Variants in CNTNAP2 observed in about 807,000 individuals in gnomAD.
The protein encoded by CNTNAP2 is contactin associated protein 2, also known as contactin-associated protein-like 2.
Under a neutral mutation model 155.2 loss-of-function variants are expected in CNTNAP2, and 98 were observed. The ratio of observed to expected loss-of-function variants is 0.63; its 90% CI spans 0.54 to 0.75. The LOEUF (loss-of-function observed/expected upper bound fraction) is 0.75, where lower values mean the gene tolerates loss of function less well. Ranked by LOEUF, CNTNAP2 falls within the 30% of genes least tolerant of loss-of-function variation. The probability of loss-of-function intolerance (pLI) is 0.00; values close to 1 mark genes in which losing one functional copy is unlikely to be tolerated. For missense variants in CNTNAP2, 1,727 were observed against 1,688.1 expected (o/e 1.02, Z -0.40); for synonymous variants, 651 against 631.2 (o/e 1.03, Z -0.47).
intron 3 of CNTNAP2, among the ~76,000 whole-genome samples, chr7:146,959,016 AT>A (rs1475355599): frequency 6.6e-6 from 1 of 150,896 alleles, no homozygotes; most frequent in Non-Finnish European, 1.5e-5. Flanking sequence ...ATTTTATTTT[AT>A]TTTATTTATT....
chr7:146,983,034 TTAACA>T (rs1467168407), intron 3 of CNTNAP2, among the ~76,000 whole-genome samples: 1 of 152,196 alleles, frequency 6.6e-6, no homozygotes, highest in Non-Finnish European at 1.5e-5. Flanking sequence ...AAGTACACTG[TTAACA>T]TAATGTACAC....
At chr7:146,512,983 A>G (rs1432929660) in intron 1 of CNTNAP2, among the ~76,000 whole-genome samples, 1 of 151,880 alleles carries the variant, frequency 6.6e-6, no homozygotes, top group Non-Finnish European at 1.5e-5. Flanking sequence ...TTGATTACCT[A>G]TATATTTACA....
chr7:147,659,811 G>C (rs776213822), intron 13 of CNTNAP2, among the ~76,000 whole-genome samples: 1 of 152,140 alleles, frequency 6.6e-6, no homozygotes, highest in Non-Finnish European at 1.5e-5. Flanking sequence ...AACATCACTC[G>C]ATGCTGTATT....
At chr7:146,415,586 T>C (rs2129112156) in intron 1 of CNTNAP2, among the ~76,000 whole-genome samples, 1 of 152,160 alleles carries the variant, frequency 6.6e-6, no homozygotes. Context: ...TGATTTCCAT[T>C]AGATGTATCT....
At chr7:147,028,698 T>C (rs1385582790) in intron 3 of CNTNAP2, among the ~76,000 whole-genome samples, 2 of 152,154 alleles carry the variant, frequency 1.3e-5, no homozygotes, top group Non-Finnish European at 2.9e-5. Flanking sequence ...AGACTGATTA[T>C]GCATAAAGCT....
Position 147,215,702 on chromosome 7 carries a change from T to C in CNTNAP2, c.1348+83193T>C, listed in dbSNP as rs181154439. ...TATGTTTTCAACTCTTTTGGGTAAA[T>C]ACCAAGAAGTGAGATTGCTGGATCA... On this transcript the variant is annotated intron_variant, in intron 8 of 23. Transcript: ENST00000361727. Among the ~76,000 whole-genome samples the C allele has an allele frequency of 1.5e-3, 234 of 152,314 alleles. 1 individual carries two copies. The highest frequency in any genetic ancestry group is 5.5e-3 in the African/African-American group (228 of 41,590).
chr7:146,633,587 C>T (rs35739314), intron 1 of CNTNAP2, among the ~76,000 whole-genome samples: 3 of 151,792 alleles, frequency 2.0e-5, no homozygotes, highest in Non-Finnish European at 2.9e-5. Flanking sequence ...ATTTTGGTAC[C>T]TATAATCTTT....
intron 8 of CNTNAP2, among the ~76,000 whole-genome samples, chr7:147,214,691 G>T (rs1803228297): frequency 6.6e-6 from 1 of 152,050 alleles, no homozygotes; most frequent in Non-Finnish European, 1.5e-5. Flanking sequence ...AACAGTTTTA[G>T]TTCAAAGCAA....
intron 1 of CNTNAP2, among the ~76,000 whole-genome samples, chr7:146,550,798 G>A (rs115907226): frequency 0.021 from 3,257 of 152,052 alleles, 135 homozygotes; most frequent in African/African-American, 0.073. Flanking sequence ...TAATTAATAA[G>A]ACAAGACACT....
Position 147,817,785 on chromosome 7 carries a change from G to C in CNTNAP2, c.2099-85780G>C, listed in dbSNP as rs866105491. ...CCGGGCATGATGGTGGGCGCCTGTA[G>C]TCCCAGCTACCTGAGAGGTTGAGGC... On this transcript the variant is annotated intron_variant, in intron 13 of 23. Coordinates refer to ENST00000361727, the MANE Select transcript of CNTNAP2 (RefSeq NM_014141.6). Among the ~76,000 whole-genome samples the C allele has an allele frequency of 4.6e-5, 7 of 151,670 alleles. No homozygotes were observed. The South Asian group carries it at 1.5e-3, about 32-fold the overall frequency.
chr7:146,905,941 GCACCA>G (rs1796113156), intron 3 of CNTNAP2, among the ~76,000 whole-genome samples: 3 of 152,172 alleles, frequency 2.0e-5, no homozygotes, highest in Non-Finnish European at 4.4e-5. Context: ...GTGGGTGCAC[GCACCA>G]CACCGTGCGC....
chr7:148,172,886 T>C (rs746270889), intron 18 of CNTNAP2, among the ~76,000 whole-genome samples: 3 of 152,118 alleles, frequency 2.0e-5, no homozygotes, highest in Non-Finnish European at 4.4e-5. Context: ...ACCCCAGTGG[T>C]CTTGATGCCC....
chr7:146,631,096 A>G (rs946895532), intron 1 of CNTNAP2, among the ~76,000 whole-genome samples: 3 of 152,220 alleles, frequency 2.0e-5, no homozygotes, highest in African/African-American at 7.2e-5. Flanking sequence ...GAGCCCATGT[A>G]CCCAAGACAA....
chr7:148,331,184 A>C (rs1797997412), intron 21 of CNTNAP2, among the ~76,000 whole-genome samples: 1 of 144,500 alleles, frequency 6.9e-6, no homozygotes, highest in African/African-American at 2.6e-5. Context: ...GGATGGATGG[A>C]ATGGATGGAC....
intron 13 of CNTNAP2, among the ~76,000 whole-genome samples, chr7:147,888,797 G>T (rs1233383061): frequency 8.1e-6 from 1 of 122,998 alleles, no homozygotes; most frequent in Non-Finnish European, 1.8e-5. Flanking sequence ...TCTAAATAAA[G>T]ACTTTTTAGG....
At chr7:147,428,500 A>T (rs950322985) in intron 10 of CNTNAP2, among the ~76,000 whole-genome samples, 2 of 152,302 alleles carry the variant, frequency 1.3e-5, no homozygotes, top group Non-Finnish European at 2.9e-5. Context: ...TTAGATTGCT[A>T]CTGTCTTCTA....
chr7:148,275,789 G>A (rs1245844823), intron 21 of CNTNAP2, among the ~76,000 whole-genome samples: 1 of 152,156 alleles, frequency 6.6e-6, no homozygotes, highest in East Asian at 1.9e-4. Flanking sequence ...GTCTCTAAGA[G>A]CCACCATTCT....
intron 8 of CNTNAP2, among the ~76,000 whole-genome samples, chr7:147,225,422 T>C (rs898798397): frequency 2.6e-5 from 4 of 152,154 alleles, no homozygotes; most frequent in African/African-American, 9.7e-5. Context: ...GAAAGTGACT[T>C]TTGTCCCTTT....
intron 20 of CNTNAP2, among the ~76,000 whole-genome samples, chr7:148,239,953 A>G (rs546416731): frequency 6.6e-6 from 1 of 152,306 alleles, no homozygotes; most frequent in African/African-American, 2.4e-5. Context: ...ATTTAACATG[A>G]TGATATCTAA....
Sources: gnomAD v4.1 joint callset for allele counts (sites outside exome capture counted in the v4.1 genomes callset) on GRCh38, gnomAD v4.1.1 for gene constraint, MANE v1.5 for transcripts, NCBI Gene and HGNC (gene_info 2026-07-23, HGNC 2026-07-21) for gene names.